IRGM: variants seen among roughly 807,000 people sequenced by gnomAD.
IRGM encodes the protein immunity related GTPase M, also known as immunity-related GTPase family M protein.
For synonymous variants in IRGM, 98 were observed against 80.6 expected (o/e 1.22, Z -1.16); for missense variants, 288 against 219.9 (o/e 1.31, Z -1.96).
intron 3 of IRGM, chr5:150,898,340 A>G (rs1754871664): frequency 4.4e-6 from 7 of 1,607,108 alleles, no homozygotes; most frequent in South Asian, 1.1e-5. Context: ...AAGTCATGAC[A>G]TATGTCAGGA....
At chr5:150,872,519 G>T (rs1306758787) in intron 1 of IRGM, among the ~76,000 whole-genome samples, 1 of 152,170 alleles carries the variant, frequency 6.6e-6, no homozygotes, top group Non-Finnish European at 1.5e-5. Flanking sequence ...CATTCCAAAA[G>T]AACTACTTGA....
intron 1 of IRGM, among the ~76,000 whole-genome samples, chr5:150,869,465 C>T (rs1754251744): frequency 6.6e-6 from 1 of 151,894 alleles, no homozygotes; most frequent in Non-Finnish European, 1.5e-5. Context: ...CCTTTCCTGG[C>T]TTTGGTATTA....
chr5:150,887,159 G>A (rs563698918), intron 3 of IRGM, among the ~76,000 whole-genome samples: 1 of 151,896 alleles, frequency 6.6e-6, no homozygotes, highest in Non-Finnish European at 1.5e-5. Context: ...AGATTCAGGA[G>A]AACAACAAAA....
At chr5:150,866,806 CA>C (rs1754214608) in intron 1 of IRGM, among the ~76,000 whole-genome samples, 1 of 152,112 alleles carries the variant, frequency 6.6e-6, no homozygotes, top group East Asian at 1.9e-4. Context: ...AAATAGTCTT[CA>C]AAAATGTGAA....
intron 3 of IRGM, chr5:150,894,288 A>T (rs1338990605): frequency 6.6e-6 from 1 of 152,210 alleles, no homozygotes; most frequent in Non-Finnish European, 1.5e-5. Context: ...TCTCAAGGCT[A>T]TACAGGCATT....
intron 3 of IRGM, among the ~76,000 whole-genome samples, chr5:150,887,926 A>T (rs1754550786): frequency 6.6e-6 from 1 of 151,968 alleles, no homozygotes; most frequent in Non-Finnish European, 1.5e-5. Context: ...TAACCAGCTA[A>T]GAGCACAATG....
At chr5:150,857,910 G>A (rs1206444101) in intron 1 of IRGM, among the ~76,000 whole-genome samples, 4 of 150,812 alleles carry the variant, frequency 2.7e-5, no homozygotes, top group African/African-American at 4.8e-5. Flanking sequence ...CTTTTGCTGT[G>A]CAGAAGCTCT....
At chr5:150,896,112 G>A (rs780758598) in intron 3 of IRGM, 12 of 1,613,298 alleles carry the variant, frequency 7.4e-6, no homozygotes, top group Admixed American at 3.3e-5. Flanking sequence ...TTTTTCCCCA[G>A]TATGTATTCT....
intron 1 of IRGM, among the ~76,000 whole-genome samples, chr5:150,863,671 A>G (rs1754167020): frequency 6.6e-6 from 1 of 152,084 alleles, no homozygotes; most frequent in Admixed American, 6.5e-5. Flanking sequence ...TAATATTCCC[A>G]ACAGGGTATG....
At chr5:150,854,671 A>C (rs1754026811) in intron 1 of IRGM, among the ~76,000 whole-genome samples, 1 of 152,160 alleles carries the variant, frequency 6.6e-6, no homozygotes, top group Non-Finnish European at 1.5e-5. Context: ...TCTGCTGAGA[A>C]ACTTACTGAA....
chr5:150,898,131 G>A lies in IRGM; in HGVS notation c.*141-2458G>A, dbSNP rs954741684. Reference sequence around the variant, plus strand: ...GATATGTCTCCCTTTATGATCCATGGCTCTTCTCCTTGTTCCAACTTGGAG... The same window carrying A: ...GATATGTCTCCCTTTATGATCCATGACTCTTCTCCTTGTTCCAACTTGGAG... On this transcript the variant is annotated intron_variant and NMD_transcript_variant, in intron 3 of 3. Transcript: ENST00000520549. 1.9e-6 allele frequency: 3 copies of A among 1,613,340 alleles called. No homozygotes were observed. The African/African-American group carries it at 4.0e-5, about 22-fold the overall frequency.
At position 150,882,950 on chromosome 5, in the gene IRGM, A is replaced by G. The variant is rs933872166; in HGVS notation, c.*140+3304A>G. Among the ~76,000 whole-genome samples, 7 of 152,162 alleles carry G rather than the reference A, an allele frequency of 4.6e-5. No individual in the cohort carries two copies. The East Asian group carries it at 7.7e-4, about 17-fold the overall frequency. ...TCAAGTGCACATAGAATATTCTCCAATATAGATCGTGTGTTCACAAAACAA... is the reference window on the plus strand; with the variant it reads ...TCAAGTGCACATAGAATATTCTCCAGTATAGATCGTGTGTTCACAAAACAA... On this transcript the variant is annotated intron_variant and NMD_transcript_variant, in intron 3 of 3. Transcript: ENST00000520549.
intron 3 of IRGM, among the ~76,000 whole-genome samples, chr5:150,884,927 C>T (rs1451178101): frequency 1.3e-5 from 2 of 151,990 alleles, no homozygotes; most frequent in Admixed American, 6.6e-5. Flanking sequence ...TAATTAGATC[C>T]CATTTGTCAA....
intron 3 of IRGM, among the ~76,000 whole-genome samples, chr5:150,893,868 T>C (rs1754661250): frequency 6.6e-6 from 1 of 152,058 alleles, no homozygotes; most frequent in Non-Finnish European, 1.5e-5. Flanking sequence ...TATGAATGGG[T>C]TTGCTCTTTT....
intron 3 of IRGM, chr5:150,896,663 C>A: frequency 6.2e-7 from 1 of 1,613,362 alleles, no homozygotes; most frequent in Non-Finnish European, 8.5e-7. Context: ...GTTTTAAGTT[C>A]TTTTTAAAAG....
intron 1 of IRGM, among the ~76,000 whole-genome samples, chr5:150,854,524 A>G (rs1754020960): frequency 6.6e-6 from 1 of 152,114 alleles, no homozygotes; most frequent in South Asian, 2.1e-4. Context: ...TAGCTTGTTT[A>G]CCTGGGGGTG....
downstream of IRGM, among the ~76,000 whole-genome samples, chr5:150,849,029 A>G (rs1753932635): frequency 6.6e-6 from 1 of 152,086 alleles, no homozygotes; most frequent in African/African-American, 2.4e-5. Flanking sequence ...CACCAAGACA[A>G]AATGTTAACC....
chr5:150,892,870 A>G (rs1432446007), intron 3 of IRGM, among the ~76,000 whole-genome samples: 1 of 151,878 alleles, frequency 6.6e-6, no homozygotes, highest in Non-Finnish European at 1.5e-5. Context: ...TTGTCCTCTT[A>G]AAGTATGGGG....
intron 1 of IRGM, among the ~76,000 whole-genome samples, chr5:150,866,103 A>G (rs893808914): frequency 5.9e-5 from 9 of 152,202 alleles, no homozygotes; most frequent in Admixed American, 1.3e-4. Context: ...AACTCCCTGT[A>G]CAGTCTGCTC....
Sources: allele counts gnomAD v4.1 joint callset (sites outside exome capture counted in the v4.1 genomes callset), GRCh38; gene constraint gnomAD v4.1.1; transcripts MANE v1.5; gene names NCBI Gene and HGNC (gene_info 2026-07-23, HGNC 2026-07-21).